Variants in FGF1 observed in about 807,000 individuals in gnomAD.
The protein encoded by FGF1 is fibroblast growth factor 1, also known as beta-endothelial cell growth factor.
Under a neutral mutation model 13.4 loss-of-function variants are expected in FGF1, and 9 were observed. The ratio of observed to expected loss-of-function variants is 0.67; its 90% CI spans 0.40 to 1.17. The LOEUF (loss-of-function observed/expected upper bound fraction) is 1.17. Among genes scored for constraint, FGF1 ranks in the 50% most tolerant of loss-of-function variants. The pLI is 0.01. For missense variants in FGF1, 156 were observed against 192.7 expected (o/e 0.81, Z 1.13); for synonymous variants, 93 against 79.0 (o/e 1.18, Z -0.94).
chr5:142,620,591 T>C (rs1225167417), intron 1 of FGF1, among the ~76,000 whole-genome samples: 1 of 152,024 alleles, frequency 6.6e-6, no homozygotes, highest in Non-Finnish European at 1.5e-5. Context: ...TCAAAATACA[T>C]AAAACAAAAA....
intron 1 of FGF1, among the ~76,000 whole-genome samples, chr5:142,622,111 T>TAGG (rs1371370707): frequency 1.3e-5 from 2 of 152,220 alleles, no homozygotes; most frequent in Non-Finnish European, 2.9e-5. Flanking sequence ...TTGGTCTTGC[T>TAGG]CACAATGGTA....
At chr5:142,651,341 A>C (rs1767210109) in intron 1 of FGF1, among the ~76,000 whole-genome samples, 1 of 152,108 alleles carries the variant, frequency 6.6e-6, no homozygotes, top group South Asian at 2.1e-4. Flanking sequence ...TTTATTTGAA[A>C]TTCATAGTCT....
intron 2 of FGF1, among the ~76,000 whole-genome samples, chr5:142,695,067 T>A (rs1342734779): frequency 6.6e-6 from 1 of 152,204 alleles, no homozygotes; most frequent in Non-Finnish European, 1.5e-5. Context: ...GGTGGCATCC[T>A]GGGTTATAGT....
intron 1 of FGF1, among the ~76,000 whole-genome samples, chr5:142,685,007 T>C (rs954236627): frequency 9.2e-5 from 14 of 152,242 alleles, no homozygotes; most frequent in African/African-American, 3.4e-4. Flanking sequence ...TGAATTCTGC[T>C]GAGGCAGAGT....
intron 1 of FGF1, among the ~76,000 whole-genome samples, chr5:142,616,406 C>T (rs1299239343): frequency 6.6e-6 from 1 of 152,154 alleles, no homozygotes; most frequent in African/African-American, 2.4e-5. Flanking sequence ...CCCAAATGTC[C>T]CCTCCATCCC....
At chr5:142,596,904 A>G (rs1467401438) in intron 3 of FGF1, among the ~76,000 whole-genome samples, 32 of 152,346 alleles carry the variant, frequency 2.1e-4, no homozygotes, top group Admixed American at 2.1e-3. Flanking sequence ...ATGTACATAC[A>G]GACTAGATAA....
intron 2 of FGF1, among the ~76,000 whole-genome samples, chr5:142,609,332 C>CTGA (rs1428714718): frequency 6.6e-6 from 1 of 152,164 alleles, no homozygotes; most frequent in Non-Finnish European, 1.5e-5. Flanking sequence ...GCTTGGGGAG[C>CTGA]TGAGGAGTTG....
At chr5:142,632,984 A>G (rs2151931528) in intron 1 of FGF1, among the ~76,000 whole-genome samples, 1 of 150,948 alleles carries the variant, frequency 6.6e-6, no homozygotes, top group South Asian at 2.1e-4. Flanking sequence ...CAGTGGCACA[A>G]TCTCGGCTCA....
chr5:142,637,549 G>T (rs763136082), intron 1 of FGF1, among the ~76,000 whole-genome samples: 1 of 151,988 alleles, frequency 6.6e-6, no homozygotes, highest in East Asian at 1.9e-4. Context: ...TCAATCTCCT[G>T]ACTTCGTGAT....
rs1222192096 is a variant in FGF1, at chr5:142,614,065, C to A, written c.63G>T (p.Gly21=). 1 of 1,614,176 alleles carries A rather than the reference C, an allele frequency of 6.2e-7. No individual in the cohort carries two copies. The highest frequency in any genetic ancestry group is 1.3e-5 in the African/African-American group (1 of 75,048). ...AGAGGAGTTTGGGCTTCTTGTAATT[C>A]CCTGGAGGCAGATTAAACTTCTCGG... ...ALTEKFNLPP[G]NYKKPKLLYC... Residue 21 remains glycine (G), a synonymous_variant, in exon 2 of 4, where the codon GGG becomes GGT. Transcript: ENST00000337706.
At chr5:142,673,748 C>T (rs1383338528) in intron 1 of FGF1, among the ~76,000 whole-genome samples, 1 of 152,288 alleles carries the variant, frequency 6.6e-6, no homozygotes, top group East Asian at 1.9e-4. Flanking sequence ...TGATTAGGGT[C>T]AGTTCTCCAC....
rs1314929311 is a variant in FGF1, at chr5:142,594,962, C to T, written c.*328G>A. 2.6e-5 allele frequency: 6 copies of T among 233,558 alleles called. No individual in the cohort carries two copies. The highest frequency in any genetic ancestry group is 5.0e-5 in the Non-Finnish European group (6 of 120,934). 14.5% of individuals were successfully genotyped at this position (233,558 alleles called of 1,614,324 possible). ...ATAGTGTGCAGTTACTAATGTCCCA[C>T]TTAGCCGACCCCTTAACACACTTCA... On this transcript the variant is annotated 3_prime_UTR_variant, in exon 4 of 4. Coordinates refer to ENST00000337706, the MANE Select transcript of FGF1 (RefSeq NM_000800.5).
intron 2 of FGF1, among the ~76,000 whole-genome samples, chr5:142,692,265 A>C (rs1752344036): frequency 6.6e-6 from 1 of 152,234 alleles, no homozygotes; most frequent in South Asian, 2.1e-4. Flanking sequence ...TGAGCCCAGA[A>C]GGCGCAGGTT....
chr5:142,629,986 C>T (rs1031268543), intron 1 of FGF1, among the ~76,000 whole-genome samples: 19 of 150,826 alleles, frequency 1.3e-4, no homozygotes, highest in East Asian at 3.9e-4. Flanking sequence ...CCCCGCCTGC[C>T]GGGTTCAAGT....
At chr5:142,668,057 C>T (rs959469806) in intron 1 of FGF1, among the ~76,000 whole-genome samples, 53 of 152,220 alleles carry the variant, frequency 3.5e-4, no homozygotes, top group Admixed American at 2.7e-3. Context: ...CTGGGCTCCA[C>T]GCCACTCCCT....
At chr5:142,665,258 CTA>C (rs1464185556) in intron 1 of FGF1, among the ~76,000 whole-genome samples, 1 of 152,038 alleles carries the variant, frequency 6.6e-6, no homozygotes, top group Admixed American at 6.5e-5. Context: ...CACAAGTGCT[CTA>C]TCTCACCTCA....
At chr5:142,645,378 G>A (rs1300185418) in intron 1 of FGF1, among the ~76,000 whole-genome samples, 1 of 152,174 alleles carries the variant, frequency 6.6e-6, no homozygotes, top group East Asian at 1.9e-4. Context: ...TCAGCCTACA[G>A]CAGGCGTGGT....
At chr5:142,628,778 G>C (rs1415684079) in intron 1 of FGF1, among the ~76,000 whole-genome samples, 1 of 152,194 alleles carries the variant, frequency 6.6e-6, no homozygotes, top group African/African-American at 2.4e-5. Context: ...GAAAAATGGA[G>C]AATTTTGAAT....
intron 1 of FGF1, among the ~76,000 whole-genome samples, chr5:142,641,167 A>C (rs1157459618): frequency 2.0e-5 from 3 of 152,038 alleles, no homozygotes; most frequent in Admixed American, 1.3e-4. Context: ...ATAACAAAAG[A>C]AGTTGTGAGG....
Sources: gnomAD v4.1 joint callset for allele counts (sites outside exome capture counted in the v4.1 genomes callset) on GRCh38, gnomAD v4.1.1 for gene constraint, MANE v1.5 for transcripts, NCBI Gene and HGNC (gene_info 2026-07-23, HGNC 2026-07-21) for gene names.